Variants in GUCY1A2 observed in about 807,000 individuals in gnomAD.
GUCY1A2 encodes guanylate cyclase soluble subunit alpha-2.
GUCY1A2 carries 27 observed loss-of-function variants against 63.5 expected under a neutral mutation model. The observed-to-expected ratio is 0.43, with a 90% CI of 0.31 to 0.59. The LOEUF is 0.59. Among genes scored for constraint, GUCY1A2 ranks in the 20% least tolerant of loss-of-function variants. The probability of loss-of-function intolerance (pLI) is 0.11; values close to 1 mark genes in which losing one functional copy is unlikely to be tolerated. For missense variants in GUCY1A2, 768 were observed against 913.3 expected, an observed-to-expected ratio of 0.84 and a Z score of 2.05; for synonymous variants, 364 against 343.5, an observed-to-expected ratio of 1.06 and a Z score of -0.66.
rs149589586 is a variant in GUCY1A2 at position 106,987,000 on chromosome 11, AC to A, written c.304-870del. Among the ~76,000 whole-genome samples the A allele has an allele frequency of 4.3e-4, 65 of 152,340 alleles. 1 individual carries two copies. In the South Asian group the frequency reaches 1.0e-2, roughly 23 times the overall value. ...TCAGACTTAGAGAGCCATGAATGGG[AC>A]ACCAAGATCCTAGAACCTAGATGTT... On this transcript the variant is annotated intron_variant, in intron 1 of 7. Transcript: ENST00000526355.
chr11:106,799,277 C>T (rs995087293), intron 5 of GUCY1A2, among the ~76,000 whole-genome samples: 2 of 152,200 alleles, frequency 1.3e-5, no homozygotes, highest in African/African-American at 4.8e-5. Context: ...ACATTCCATG[C>T]TCATGGGTAG....
At chr11:106,746,873 A>G (rs898423738) in intron 6 of GUCY1A2, among the ~76,000 whole-genome samples, 3 of 152,218 alleles carry the variant, frequency 2.0e-5, no homozygotes, top group Admixed American at 6.5e-5. Flanking sequence ...CATCGTAGAA[A>G]AAGGAGTGTA....
intron 4 of GUCY1A2, among the ~76,000 whole-genome samples, chr11:106,922,668 T>C (rs1443065822): frequency 2.5e-3 from 3 of 1,184 alleles, no homozygotes; most frequent in African/African-American, 5.5e-3. Context: ...ACTACATATA[T>C]ATATATATAT....
chr11:106,866,309 G>C (rs1859592474), intron 4 of GUCY1A2, among the ~76,000 whole-genome samples: 1 of 152,044 alleles, frequency 6.6e-6, no homozygotes, highest in South Asian at 2.1e-4. Context: ...AGGAGACAGA[G>C]AGGGAAGTAG....
chr11:106,991,292 C>T (rs1388175409), intron 1 of GUCY1A2, among the ~76,000 whole-genome samples: 1 of 152,150 alleles, frequency 6.6e-6, no homozygotes, highest in Non-Finnish European at 1.5e-5. Flanking sequence ...GCCACTGTGC[C>T]TGGCCATTAT....
chr11:106,837,090 C>T (rs879798394), intron 4 of GUCY1A2, among the ~76,000 whole-genome samples: 1 of 151,714 alleles, frequency 6.6e-6, no homozygotes, highest in Admixed American at 6.6e-5. Flanking sequence ...TATTTCGTCA[C>T]CCAGGTACTA....
chr11:106,835,835 G>T (rs1248374876), intron 4 of GUCY1A2, among the ~76,000 whole-genome samples: 1 of 151,816 alleles, frequency 6.6e-6, no homozygotes. Flanking sequence ...ACTTCTCCAT[G>T]AATAACACAA....
At chr11:106,771,483 C>T (rs1340267077) in intron 6 of GUCY1A2, among the ~76,000 whole-genome samples, 3 of 152,172 alleles carry the variant, frequency 2.0e-5, no homozygotes, top group African/African-American at 2.4e-5. Context: ...CATGGTGGCT[C>T]ATGCCTGTAA....
chr11:106,750,088 C>T (rs1337581817), intron 6 of GUCY1A2, among the ~76,000 whole-genome samples: 1 of 152,066 alleles, frequency 6.6e-6, no homozygotes, highest in Non-Finnish European at 1.5e-5. Context: ...GAAAAGCTGA[C>T]AGTGCAGCCT....
At chr11:107,017,695 C>A in intron 1 of GUCY1A2, 58 bp downstream of exon 1, 1 of 1,117,100 alleles carries the variant, frequency 9.0e-7, no homozygotes. Context: ...CCAGCGCCAA[C>A]TTTACAGATC....
intron 4 of GUCY1A2, among the ~76,000 whole-genome samples, chr11:106,912,281 A>G (rs1410710556): frequency 6.6e-6 from 1 of 152,060 alleles, no homozygotes; most frequent in Non-Finnish European, 1.5e-5. Flanking sequence ...AATACACATT[A>G]CAACTTAGAA....
intron 4 of GUCY1A2, among the ~76,000 whole-genome samples, chr11:106,842,514 T>C (rs935865031): frequency 6.6e-6 from 1 of 151,998 alleles, no homozygotes; most frequent in Non-Finnish European, 1.5e-5. Context: ...AAAAATGGCA[T>C]TAGTGCCACT....
Position 106,708,737 on chromosome 11 carries a change from C to T in GUCY1A2, c.1837-71G>A, listed in dbSNP as rs565337235. 1.6e-4 allele frequency: 146 copies of T among 896,086 alleles called. 2 individuals are homozygous for T. The African/African-American group carries it at 2.3e-3, about 14-fold the overall frequency. 55.5% of individuals were successfully genotyped at this position (896,086 alleles called of 1,614,324 possible). A position where few individuals can be genotyped will look rare whatever the true frequency, so the allele number is the denominator to read the frequency against. On this transcript the variant is annotated intron_variant, in intron 6 of 7. Transcript: ENST00000526355. The stretch of plus-strand genomic sequence containing the variant: ...GGTATGCAATTATTTTAATGAAAGG[C>T]ACTGCTAATTAATAATAATAATAAT...
chr11:106,800,257 T>C (rs981916433), intron 5 of GUCY1A2, among the ~76,000 whole-genome samples: 138 of 152,290 alleles, frequency 9.1e-4, no homozygotes, highest in African/African-American at 3.1e-3. Flanking sequence ...GGAGAGGATG[T>C]GGAGAAATAG....
chr11:106,717,707 A>T (rs1863239720), intron 6 of GUCY1A2, among the ~76,000 whole-genome samples: 1 of 152,230 alleles, frequency 6.6e-6, no homozygotes. Context: ...AACAGAAAGG[A>T]GCTTAAAATC....
At chr11:106,861,962 C>A (rs555430432) in intron 4 of GUCY1A2, among the ~76,000 whole-genome samples, 39 of 152,048 alleles carry the variant, frequency 2.6e-4, no homozygotes, top group Non-Finnish European at 5.6e-4. Flanking sequence ...GTGTTAAGGG[C>A]AGTTTTGGTT....
rs7928671 is a variant in GUCY1A2, at chr11:106,737,421, T to C, written c.1837-28755A>G. Reference sequence around the variant, plus strand: ...CTTTTTCTTTTTTTAAATTATACTTTAAGTGCTGGGGTACATGTGCAAAAC... The same window carrying C: ...CTTTTTCTTTTTTTAAATTATACTTCAAGTGCTGGGGTACATGTGCAAAAC... On this transcript the variant is annotated intron_variant, in intron 6 of 7. Transcript: ENST00000526355. Among the ~76,000 whole-genome samples, 568 of 152,300 alleles carry C rather than the reference T, an allele frequency of 3.7e-3. 4 individuals are homozygous for C. The highest frequency in any genetic ancestry group is 0.013 in the African/African-American group (554 of 41,568).
intron 6 of GUCY1A2, among the ~76,000 whole-genome samples, chr11:106,765,275 C>T (rs975228732): frequency 1.3e-5 from 2 of 152,010 alleles, no homozygotes; most frequent in African/African-American, 2.4e-5. Flanking sequence ...TAATGTAGGT[C>T]TGAATGTAAA....
chr11:106,746,736 A>G, intron 6 of GUCY1A2: 1 of 643,414 alleles, frequency 1.6e-6, no homozygotes, highest in Non-Finnish European at 2.7e-6. Context: ...ACATATAGCC[A>G]TGATTTTGTA....
Sources: allele counts gnomAD v4.1 joint callset (sites outside exome capture counted in the v4.1 genomes callset), GRCh38; gene constraint gnomAD v4.1.1; transcripts MANE v1.5; gene names NCBI Gene and HGNC (gene_info 2026-07-23, HGNC 2026-07-21).